The following PPFIA2 variants were observed in gnomAD, a reference collection of about 807,000 sequenced individuals.
PPFIA2 encodes the protein liprin-alpha-2.
A neutral mutation model predicts 175.5 loss-of-function variants in PPFIA2; 46 were observed. The ratio of observed to expected loss-of-function variants is 0.26; its 90% CI spans 0.21 to 0.34. PPFIA2 has a LOEUF of 0.34. Ranked by LOEUF, PPFIA2 falls within the 10% of genes least tolerant of loss-of-function variation. The pLI, the probability that PPFIA2 is intolerant of heterozygous loss-of-function variation, is 1.00. For missense variants in PPFIA2, 1,179 were observed against 1,506.1 expected (o/e 0.78, Z 3.60); for synonymous variants, 568 against 511.4 (o/e 1.11, Z -1.49).
At chr12:81,722,730 T>C (rs560182990) in intron 3 of PPFIA2, among the ~76,000 whole-genome samples, 123 of 151,108 alleles carry the variant, frequency 8.1e-4, no homozygotes, top group Middle Eastern at 3.4e-3. Context: ...GGAAGTTTTA[T>C]ATTATCAAAA....
At chr12:81,679,887 TAAAAC>T (rs1596330322) in intron 3 of PPFIA2, among the ~76,000 whole-genome samples, 1 of 151,900 alleles carries the variant, frequency 6.6e-6, no homozygotes, top group Non-Finnish European at 1.5e-5. Flanking sequence ...AAATAATAGA[TAAAAC>T]AAATACTTGA....
intron 4 of PPFIA2, among the ~76,000 whole-genome samples, chr12:81,513,155 A>G (rs1440574955): frequency 6.6e-6 from 1 of 152,104 alleles, no homozygotes; most frequent in East Asian, 1.9e-4. Context: ...AAAATGCTCA[A>G]CATCACTAAT....
At chr12:81,499,638 T>C (rs2060388904) in intron 4 of PPFIA2, among the ~76,000 whole-genome samples, 1 of 151,400 alleles carries the variant, frequency 6.6e-6, no homozygotes, top group African/African-American at 2.4e-5. Flanking sequence ...TCATTTTCTC[T>C]ATTTGACTGA....
chr12:81,636,429 C>A (rs994873508), intron 4 of PPFIA2, among the ~76,000 whole-genome samples: 1 of 150,984 alleles, frequency 6.6e-6, no homozygotes, highest in African/African-American at 2.4e-5. Flanking sequence ...CCACGCCCGG[C>A]TAATTTTTTG....
At chr12:81,736,021 T>C (rs1420758630) in intron 3 of PPFIA2, among the ~76,000 whole-genome samples, 3 of 151,914 alleles carry the variant, frequency 2.0e-5, no homozygotes, top group African/African-American at 7.2e-5. Flanking sequence ...ATTTTGTTAA[T>C]GTTTTTCAAG....
rs1282326741 is a variant in PPFIA2, at chr12:81,591,852, GA to G, written c.303+84938del. On this transcript the variant is annotated intron_variant, in intron 4 of 32. Coordinates refer to ENST00000549396, the MANE Select transcript of PPFIA2 (RefSeq NM_003625.5). ...GGAGAACCTCTGCTATGGCAGTGCAGAAAAAAATGTGGGGTCAATCTCTACT... is the reference window on the plus strand; with the variant it reads ...GGAGAACCTCTGCTATGGCAGTGCAGAAAAAATGTGGGGTCAATCTCTACT... 3.9e-5 allele frequency among the ~76,000 whole-genome samples: 6 copies of G among 152,140 alleles called. No homozygotes were observed. The East Asian group carries it at 1.2e-3, about 29-fold the overall frequency.
At chr12:81,301,588 C>T (rs1423760031) in intron 22 of PPFIA2, among the ~76,000 whole-genome samples, 1 of 152,178 alleles carries the variant, frequency 6.6e-6, no homozygotes, top group Non-Finnish European at 1.5e-5. Context: ...TCTCCAATCA[C>T]TTCCTGTCTC....
At chr12:81,349,127 C>T (rs2059584933) in intron 17 of PPFIA2, among the ~76,000 whole-genome samples, 5 of 152,152 alleles carry the variant, frequency 3.3e-5, no homozygotes, top group Admixed American at 3.3e-4. Context: ...TATATGTTCA[C>T]CAGCTCTTTG....
chr12:81,292,093 T>C (rs997377206), intron 24 of PPFIA2, among the ~76,000 whole-genome samples: 2 of 152,186 alleles, frequency 1.3e-5, no homozygotes, highest in South Asian at 4.1e-4. Context: ...TGAATTACAC[T>C]GGTAAATAAA....
intron 4 of PPFIA2, among the ~76,000 whole-genome samples, chr12:81,609,286 C>A (rs1370034369): frequency 6.6e-6 from 1 of 151,978 alleles, no homozygotes; most frequent in Non-Finnish European, 1.5e-5. Flanking sequence ...TAGATGTCTA[C>A]TAGGACCAAT....
At chr12:81,631,694 T>C (rs903573301) in intron 4 of PPFIA2, among the ~76,000 whole-genome samples, 3 of 152,244 alleles carry the variant, frequency 2.0e-5, no homozygotes, top group East Asian at 3.8e-4. Flanking sequence ...CCACAGTGTC[T>C]ACTATTCAGT....
At chr12:81,686,597 T>C (rs1260088259) in intron 3 of PPFIA2, among the ~76,000 whole-genome samples, 1 of 152,090 alleles carries the variant, frequency 6.6e-6, no homozygotes, top group Non-Finnish European at 1.5e-5. Flanking sequence ...GATGCATCCT[T>C]GCTATCTCAA....
At chr12:81,567,336 A>G (rs2071547061) in intron 4 of PPFIA2, among the ~76,000 whole-genome samples, 1 of 152,340 alleles carries the variant, frequency 6.6e-6, no homozygotes, top group East Asian at 1.9e-4. Flanking sequence ...GGCGTGATCC[A>G]CTGCGCCCGG....
intron 3 of PPFIA2, among the ~76,000 whole-genome samples, chr12:81,732,132 T>G (rs754547379): frequency 6.6e-6 from 1 of 151,570 alleles, no homozygotes; most frequent in Non-Finnish European, 1.5e-5. Flanking sequence ...CTCAAATATC[T>G]TTCTTAAAAT....
intron 3 of PPFIA2, among the ~76,000 whole-genome samples, chr12:81,696,495 CCTTGCATATTTAAT>C (rs2075909438): frequency 6.6e-6 from 1 of 152,038 alleles, no homozygotes; most frequent in Non-Finnish European, 1.5e-5. Flanking sequence ...CATATTTAAA[CCTTGCATATTTAAT>C]TTACACACTT....
chr12:81,535,288 T>C, intron 4 of PPFIA2: 1 of 414,188 alleles, frequency 2.4e-6, no homozygotes, highest in Non-Finnish European at 4.8e-6. Flanking sequence ...AGAATGCTGG[T>C]GGATTTCAAG....
chr12:81,512,274 C>G (rs764755313), intron 4 of PPFIA2: 1 of 1,281,054 alleles, frequency 7.8e-7, no homozygotes, highest in Admixed American at 2.3e-5. Context: ...CATGCTGACA[C>G]AAAACATACC....
At chr12:81,383,955 A>T in intron 9 of PPFIA2, 68 bp downstream of exon 9, 1 of 1,286,862 alleles carries the variant, frequency 7.8e-7, no homozygotes, top group Non-Finnish European at 1.1e-6. Context: ...ATTACGGGAA[A>T]TTATGGAAAC....
intron 4 of PPFIA2, among the ~76,000 whole-genome samples, chr12:81,461,247 A>G (rs1329392794): frequency 6.6e-6 from 1 of 151,898 alleles, no homozygotes; most frequent in Non-Finnish European, 1.5e-5. Flanking sequence ...TCGACTCCCT[A>G]TTTTTCAGAT....
Sources: gnomAD v4.1 joint callset for allele counts (sites outside exome capture counted in the v4.1 genomes callset) on GRCh38, gnomAD v4.1.1 for gene constraint, MANE v1.5 for transcripts, NCBI Gene and HGNC (gene_info 2026-07-23, HGNC 2026-07-21) for gene names.